Variants in FHOD3 observed in about 807,000 individuals in gnomAD.
FHOD3 encodes the protein FH1/FH2 domain-containing protein 3.
Under a neutral mutation model 173.0 loss-of-function variants are expected in FHOD3, and 90 were observed. The ratio of observed to expected loss-of-function variants is 0.52; its 90% CI spans 0.44 to 0.62. The LOEUF (loss-of-function observed/expected upper bound fraction) is 0.62, where lower values mean the gene tolerates loss of function less well. Among genes scored for constraint, FHOD3 ranks in the 20% least tolerant of loss-of-function variants. FHOD3 has a pLI of 0.00. For missense variants in FHOD3, 1,945 were observed against 2,034.7 expected (o/e 0.96, Z 0.85); for synonymous variants, 828 against 823.0 (o/e 1.01, Z -0.10).
In FHOD3 at chr18:36,639,523, C is replaced by T. The variant is rs554734677; in HGVS notation, c.1197-9793C>T. Among the ~76,000 whole-genome samples, 9 of 152,290 alleles carry T rather than the reference C, an allele frequency of 5.9e-5. No individual in the cohort carries two copies. The East Asian group carries it at 1.2e-3, about 20-fold the overall frequency. On this transcript the variant is annotated intron_variant, in intron 10 of 28. Coordinates refer to ENST00000590592, the MANE Select transcript of FHOD3 (RefSeq NM_001281740.3). ...AAAAATACAAAAAAAATTAGCCGGG[C>T]GTGGTGGCGGGTGCCTGTAGTCCCA...
chr18:36,301,513 C>T (rs2091956500), intron 1 of FHOD3, among the ~76,000 whole-genome samples: 1 of 152,108 alleles, frequency 6.6e-6, no homozygotes, highest in Non-Finnish European at 1.5e-5. Context: ...AAATCAGGTG[C>T]CATATTCTCA....
At chr18:36,711,416 C>T (rs571753007) in intron 18 of FHOD3, 1 of 152,272 alleles carries the variant, frequency 6.6e-6, no homozygotes, top group Non-Finnish European at 1.5e-5. Flanking sequence ...ATGTGTTCTA[C>T]TTTAGGGCAT....
At chr18:36,385,722 A>G (rs1350992493) in intron 3 of FHOD3, among the ~76,000 whole-genome samples, 1 of 152,196 alleles carries the variant, frequency 6.6e-6, no homozygotes, top group Non-Finnish European at 1.5e-5. Context: ...TGTTTTTGAT[A>G]CATTTTAGAA....
At chr18:36,522,218 T>C (rs1218562110) in intron 5 of FHOD3, among the ~76,000 whole-genome samples, 1 of 152,110 alleles carries the variant, frequency 6.6e-6, no homozygotes, top group Non-Finnish European at 1.5e-5. Flanking sequence ...TCAGTGAAAA[T>C]GAGCTGACAG....
chr18:36,341,059 A>G (rs932600140), intron 1 of FHOD3, among the ~76,000 whole-genome samples: 5 of 152,166 alleles, frequency 3.3e-5, no homozygotes, highest in African/African-American at 1.2e-4. Flanking sequence ...CTCATGAGCC[A>G]GGTCGTTTAG....
At chr18:36,608,968 T>C (rs932204263) in intron 8 of FHOD3, among the ~76,000 whole-genome samples, 1 of 152,254 alleles carries the variant, frequency 6.6e-6, no homozygotes. Flanking sequence ...TGAACATTCA[T>C]GTACTGGCTT....
intron 6 of FHOD3, among the ~76,000 whole-genome samples, chr18:36,594,012 A>G (rs1475583885): frequency 1.3e-5 from 2 of 152,234 alleles, no homozygotes; most frequent in Admixed American, 6.5e-5. Flanking sequence ...AAGTCCCTGC[A>G]GCAGCACCTA....
At chr18:36,547,175 G>T (rs1261174793) in intron 5 of FHOD3, among the ~76,000 whole-genome samples, 3 of 152,144 alleles carry the variant, frequency 2.0e-5, no homozygotes, top group Non-Finnish European at 4.4e-5. Flanking sequence ...ATATGAGAGT[G>T]TGGGTGAGGA....
At chr18:36,357,116 A>C (rs912784100) in intron 2 of FHOD3, among the ~76,000 whole-genome samples, 2 of 152,188 alleles carry the variant, frequency 1.3e-5, no homozygotes, top group African/African-American at 4.8e-5. Context: ...ACTGAATACT[A>C]TCTGGGAATT....
At chr18:36,748,910 C>A (rs977748052) in intron 24 of FHOD3, among the ~76,000 whole-genome samples, 1 of 151,982 alleles carries the variant, frequency 6.6e-6, no homozygotes, top group African/African-American at 2.4e-5. Flanking sequence ...CTCCCACCAA[C>A]AGTCCTCAGG....
intron 5 of FHOD3, among the ~76,000 whole-genome samples, chr18:36,575,526 T>C (rs543110684): frequency 1.3e-5 from 2 of 152,356 alleles, no homozygotes; most frequent in East Asian, 3.9e-4. Flanking sequence ...ATGAATTATT[T>C]TCACTTTATT....
chr18:36,722,187 A>G (rs2040827706), intron 19 of FHOD3, among the ~76,000 whole-genome samples: 1 of 152,156 alleles, frequency 6.6e-6, no homozygotes, highest in Non-Finnish European at 1.5e-5. Context: ...TTATGTTCTG[A>G]CTGCTGGTCT....
At chr18:36,463,833 G>T (rs2144832442) in intron 3 of FHOD3, among the ~76,000 whole-genome samples, 1 of 152,294 alleles carries the variant, frequency 6.6e-6, no homozygotes, top group Non-Finnish European at 1.5e-5. Flanking sequence ...AATGTTCTCA[G>T]TGCTTTCTTC....
chr18:36,456,581 C>T (rs1415514864), intron 3 of FHOD3, among the ~76,000 whole-genome samples: 1 of 152,062 alleles, frequency 6.6e-6, no homozygotes, highest in Non-Finnish European at 1.5e-5. Context: ...TCAAACTGCT[C>T]ATCAAGGCCC....
chr18:36,542,511 G>A (rs1389523327), intron 5 of FHOD3, among the ~76,000 whole-genome samples: 1 of 152,114 alleles, frequency 6.6e-6, no homozygotes, highest in Non-Finnish European at 1.5e-5. Flanking sequence ...TAGGTTTCTT[G>A]GCTCCAGCAT....
chr18:36,689,345 A>C (rs558773750), intron 16 of FHOD3, among the ~76,000 whole-genome samples: 1 of 152,322 alleles, frequency 6.6e-6, no homozygotes, highest in Middle Eastern at 3.4e-3. Context: ...TCTTACCCTT[A>C]ATGCAAGACT....
chr18:36,299,557 A>G (rs1289195253), intron 1 of FHOD3, among the ~76,000 whole-genome samples: 1 of 152,142 alleles, frequency 6.6e-6, no homozygotes, highest in African/African-American at 2.4e-5. Flanking sequence ...CAAACCTTAT[A>G]TACATGGGTT....
intron 1 of FHOD3, among the ~76,000 whole-genome samples, chr18:36,299,136 A>G (rs2091890669): frequency 6.6e-6 from 1 of 152,148 alleles, no homozygotes; most frequent in Non-Finnish European, 1.5e-5. Context: ...AAACTGGTGG[A>G]CTTTAGCAGT....
chr18:36,374,589 A>C (rs903704812), intron 3 of FHOD3, among the ~76,000 whole-genome samples: 1 of 152,250 alleles, frequency 6.6e-6, no homozygotes, highest in Non-Finnish European at 1.5e-5. Flanking sequence ...ATAACTATAA[A>C]AGGCGAGGGG....
Sources: allele counts gnomAD v4.1 joint callset (sites outside exome capture counted in the v4.1 genomes callset), GRCh38; gene constraint gnomAD v4.1.1; transcripts MANE v1.5; gene names NCBI Gene and HGNC (gene_info 2026-07-23, HGNC 2026-07-21).